GPC6: variants seen among roughly 807,000 people sequenced by gnomAD.
GPC6 encodes glypican 6.
Under a neutral mutation model 55.2 loss-of-function variants are expected in GPC6, and 14 were observed. The ratio of observed to expected loss-of-function variants is 0.25; its 90% CI spans 0.17 to 0.40. GPC6 has a LOEUF of 0.40. GPC6 is among the 10% of genes least tolerant of loss of function. The pLI, the probability that GPC6 is intolerant of heterozygous loss-of-function variation, is 1.00. For synonymous variants in GPC6, 278 were observed against 259.6 expected (o/e 1.07, Z -0.68); for missense variants, 641 against 708.5 (o/e 0.90, Z 1.08).
chr13:93,290,226 A>C (rs929258940), intron 1 of GPC6, among the ~76,000 whole-genome samples: 1 of 152,134 alleles, frequency 6.6e-6, no homozygotes, highest in Non-Finnish European at 1.5e-5. Flanking sequence ...TTAAACCATG[A>C]AAAGGACAAA....
intron 4 of GPC6, among the ~76,000 whole-genome samples, chr13:94,261,344 G>A (rs1266231686): frequency 1.3e-5 from 2 of 152,170 alleles, no homozygotes; most frequent in Non-Finnish European, 2.9e-5. Flanking sequence ...GTATGACACT[G>A]TTCTTGAAAA....
chr13:93,439,139 T>C (rs1009376534), intron 1 of GPC6, among the ~76,000 whole-genome samples: 51 of 152,196 alleles, frequency 3.4e-4, no homozygotes, highest in African/African-American at 1.2e-3. Flanking sequence ...ACATATCTTA[T>C]ATGCATTGAG....
rs1890748460 is a variant in GPC6, at chr13:94,232,169, G to A, written c.878-54180G>A. Among the ~76,000 whole-genome samples, 3 of 152,154 alleles carry A rather than the reference G, an allele frequency of 2.0e-5. No homozygotes were observed. In the South Asian group the frequency reaches 6.2e-4, roughly 31 times the overall value. Reference sequence around the variant, plus strand: ...CTTTAAAATCTACTTCTCATGTACTGACTAACCCATTCATTCCTAAAAAGT... The same window carrying A: ...CTTTAAAATCTACTTCTCATGTACTAACTAACCCATTCATTCCTAAAAAGT... On this transcript the variant is annotated intron_variant, in intron 4 of 8. Coordinates refer to ENST00000377047, the MANE Select transcript of GPC6 (RefSeq NM_005708.5).
intron 3 of GPC6, among the ~76,000 whole-genome samples, chr13:93,942,601 C>T (rs1048356573): frequency 6.6e-6 from 1 of 152,174 alleles, no homozygotes. Flanking sequence ...GGATTACAGG[C>T]ATGAGCCAGT....
At chr13:93,464,951 T>C (rs1340686741) in intron 1 of GPC6, among the ~76,000 whole-genome samples, 1 of 152,184 alleles carries the variant, frequency 6.6e-6, no homozygotes, top group African/African-American at 2.4e-5. Context: ...CAAAACAACA[T>C]GTACCTCTCT....
At chr13:94,190,641 G>A (rs1318820125) in intron 4 of GPC6, among the ~76,000 whole-genome samples, 3 of 152,154 alleles carry the variant, frequency 2.0e-5, no homozygotes, top group East Asian at 1.9e-4. Context: ...AGTAGGTTAC[G>A]TAAAAGTATT....
intron 4 of GPC6, among the ~76,000 whole-genome samples, chr13:94,173,058 C>A (rs922578319): frequency 6.6e-6 from 1 of 152,114 alleles, no homozygotes; most frequent in South Asian, 2.1e-4. Flanking sequence ...GAGACTGCAC[C>A]AATATCTTGA....
chr13:94,274,618 A>G (rs1444141075), intron 4 of GPC6, among the ~76,000 whole-genome samples: 1 of 152,220 alleles, frequency 6.6e-6, no homozygotes, highest in Non-Finnish European at 1.5e-5. Context: ...TGTTTACTGA[A>G]TGTGGACAAA....
At chr13:93,920,667 CA>C (rs1395960540) in intron 3 of GPC6, among the ~76,000 whole-genome samples, 1 of 152,174 alleles carries the variant, frequency 6.6e-6, no homozygotes, top group Non-Finnish European at 1.5e-5. Context: ...AACGTTTTCA[CA>C]GTCTCACTTA....
intron 1 of GPC6, among the ~76,000 whole-genome samples, chr13:93,257,884 C>T (rs1460454244): frequency 2.0e-5 from 3 of 152,184 alleles, no homozygotes; most frequent in African/African-American, 7.2e-5. Context: ...TAATGCAATT[C>T]TTTCCAAATA....
chr13:94,337,769 T>C (rs1877794939), intron 6 of GPC6, among the ~76,000 whole-genome samples: 1 of 152,004 alleles, frequency 6.6e-6, no homozygotes, highest in Non-Finnish European at 1.5e-5. Context: ...GCTGTGTTTT[T>C]CAAAGTAATC....
At chr13:94,176,760 A>G (rs7330605) in intron 4 of GPC6, among the ~76,000 whole-genome samples, 117,456 of 152,072 alleles carry the variant, frequency 0.77, 46,864 homozygotes, top group Middle Eastern at 0.88. Flanking sequence ...AAGAAAAGCA[A>G]AAAAGAAATA....
At chr13:94,374,084 C>A (rs1030506204) in intron 6 of GPC6, among the ~76,000 whole-genome samples, 67 of 152,096 alleles carry the variant, frequency 4.4e-4, no homozygotes, top group Non-Finnish European at 9.0e-4. Flanking sequence ...TGGAAAGGAA[C>A]AACCGATACC....
chr13:93,499,099 A>ACACACG (rs1312098148), intron 1 of GPC6, among the ~76,000 whole-genome samples: 2 of 134,478 alleles, frequency 1.5e-5, no homozygotes, highest in African/African-American at 2.5e-5. Flanking sequence ...TGTCACACAC[A>ACACACG]CACACACACA....
At chr13:93,377,526 C>G in intron 1 of GPC6, among the ~76,000 whole-genome samples, 1 of 152,122 alleles carries the variant, frequency 6.6e-6, no homozygotes, top group African/African-American at 2.4e-5. Flanking sequence ...GGACGTTGGT[C>G]TTGTTTGAAA....
At position 94,406,535 on chromosome 13, in the gene GPC6, T is replaced by C. The variant is rs1881375609; in HGVS notation, c.*3318T>C. ...TAAATGTAAGGGATAGAAAATACTA[T>C]TTTGTCTACACTGAAAAACATTATT... On this transcript the variant is annotated 3_prime_UTR_variant, in exon 9 of 9. Coordinates refer to ENST00000377047, the MANE Select transcript of GPC6 (RefSeq NM_005708.5). 1 of 152,180 alleles carries C rather than the reference T, an allele frequency of 6.6e-6. No individual in the cohort carries two copies. The highest frequency in any genetic ancestry group is 6.5e-5 in the Admixed American group (1 of 15,282). The allele number at this position is 152,180 out of a possible 1,614,324, so 9.4% of individuals were successfully genotyped here. A position where few individuals can be genotyped will look rare whatever the true frequency, so the allele number is the denominator to read the frequency against.
intron 2 of GPC6, among the ~76,000 whole-genome samples, chr13:93,773,928 A>G (rs1885380918): frequency 3.3e-5 from 5 of 152,144 alleles, no homozygotes. Context: ...TGCCCAATAG[A>G]CATCATTTTG....
At chr13:93,352,177 G>A (rs996200737) in intron 1 of GPC6, among the ~76,000 whole-genome samples, 3 of 152,080 alleles carry the variant, frequency 2.0e-5, no homozygotes, top group East Asian at 1.9e-4. Flanking sequence ...TGCACAACAC[G>A]GTAAATTTAC....
chr13:94,326,263 T>A (rs1196543141), intron 6 of GPC6, among the ~76,000 whole-genome samples: 1 of 150,666 alleles, frequency 6.6e-6, no homozygotes, highest in Non-Finnish European at 1.5e-5. Context: ...AAATAGAGAA[T>A]TATCTTACCT....
Sources: allele counts gnomAD v4.1 joint callset (sites outside exome capture counted in the v4.1 genomes callset), GRCh38; gene constraint gnomAD v4.1.1; transcripts MANE v1.5; gene names NCBI Gene and HGNC (gene_info 2026-07-23, HGNC 2026-07-21).